Variants in OR51B5 observed in about 807,000 individuals in gnomAD.
OR51B5 encodes olfactory receptor 51B5.
For missense variants in OR51B5, 456 were observed against 374.6 expected (o/e 1.22, Z -1.79); for synonymous variants, 186 against 144.8 (o/e 1.28, Z -2.04).
At chr11:5,410,495 C>T (rs931016053) in intron 1 of OR51B5, among the ~76,000 whole-genome samples, 3 of 152,008 alleles carry the variant, frequency 2.0e-5, no homozygotes, top group Admixed American at 6.6e-5. Flanking sequence ...CAATCAACAA[C>T]GGACTGCATA....
chr11:5,491,995 C>A (rs1188893143), intron 1 of OR51B5, among the ~76,000 whole-genome samples: 1 of 152,158 alleles, frequency 6.6e-6, no homozygotes, highest in Admixed American at 6.5e-5. Context: ...AGTGCAACTG[C>A]CAAATTGCAA....
At chr11:5,434,844 T>G (rs1227710892) in intron 1 of OR51B5, among the ~76,000 whole-genome samples, 1 of 152,170 alleles carries the variant, frequency 6.6e-6, no homozygotes, top group Non-Finnish European at 1.5e-5. Flanking sequence ...AATCTAGTTC[T>G]TCCAATTATA....
intron 1 of OR51B5, chr11:5,430,817 T>C: frequency 2.2e-6 from 1 of 457,370 alleles, no homozygotes; most frequent in Non-Finnish European, 4.4e-6. Context: ...GCACGATGCA[T>C]CACAGACACC....
At chr11:5,489,165 C>A (rs1851539749) in intron 1 of OR51B5, 4 of 1,613,774 alleles carry the variant, frequency 2.5e-6, no homozygotes, top group Non-Finnish European at 2.5e-6. Context: ...TTGGGCTATT[C>A]CGTAGTGTGG....
intron 1 of OR51B5, among the ~76,000 whole-genome samples, chr11:5,479,183 C>T (rs1851368702): frequency 6.8e-6 from 1 of 147,492 alleles, no homozygotes; most frequent in African/African-American, 2.5e-5. Flanking sequence ...CCCTACAAGC[C>T]AGAAGAGAGT....
chr11:5,413,315 A>G (rs375647310), intron 1 of OR51B5, among the ~76,000 whole-genome samples: 10,881 of 152,084 alleles, frequency 0.072, 447 homozygotes, highest in African/African-American at 0.1. Flanking sequence ...CCAAAAGTAG[A>G]TAAAACCACA....
chr11:5,359,843 G>A (rs1271063347), intron 1 of OR51B5, among the ~76,000 whole-genome samples: 3 of 151,932 alleles, frequency 2.0e-5, no homozygotes, highest in African/African-American at 4.8e-5. Context: ...AATGCCGCAT[G>A]TCTACAACCA....
At chr11:5,440,838 G>A (rs115685326) in intron 1 of OR51B5, 11 of 1,613,678 alleles carry the variant, frequency 6.8e-6, no homozygotes, top group Middle Eastern at 1.6e-4. Flanking sequence ...GACCAGCATG[G>A]CTCTCAGGAT....
At chr11:5,415,078 T>G (rs575195511) in intron 1 of OR51B5, among the ~76,000 whole-genome samples, 2 of 152,054 alleles carry the variant, frequency 1.3e-5, no homozygotes, top group Non-Finnish European at 2.9e-5. Context: ...AAACTATCTC[T>G]CAGACCACAG....
At chr11:5,488,966 T>G (rs899066478) in intron 1 of OR51B5, 1 of 1,614,072 alleles carries the variant, frequency 6.2e-7, no homozygotes, top group Non-Finnish European at 8.5e-7. Context: ...ATGCTGGCCA[T>G]TTTGTGGCTC....
chr11:5,351,521 A>G lies in OR51B5; in HGVS notation n.85-4611T>C, dbSNP rs4910755. ...GCAAAGCTGGCAATGGGGCTCAATA[A>G]GTCTGCTTCCACCTTCCAGCTTACT... On this transcript the variant is annotated intron_variant and non_coding_transcript_variant, in intron 1 of 4. Coordinates refer to the OR51B5 transcript ENST00000415970. The G allele has an allele frequency of 9.6e-5, 155 of 1,611,214 alleles. No individual in the cohort carries two copies. The Admixed American group carries it at 2.6e-3, about 27-fold the overall frequency.
chr11:5,423,104 C>T (rs1850381948), intron 1 of OR51B5: 1 of 1,608,780 alleles, frequency 6.2e-7, no homozygotes, highest in South Asian at 1.1e-5. Context: ...CAAGCAGATC[C>T]AATGGGGAAT....
At chr11:5,380,678 C>G (rs765055535) in intron 1 of OR51B5, among the ~76,000 whole-genome samples, 2 of 152,088 alleles carry the variant, frequency 1.3e-5, no homozygotes, top group Non-Finnish European at 2.9e-5. Flanking sequence ...TCTGAAAAAG[C>G]TAAGAAAACC....
chr11:5,369,151 T>C (rs1564924415), intron 1 of OR51B5, among the ~76,000 whole-genome samples: 1 of 135,552 alleles, frequency 7.4e-6, no homozygotes, highest in Admixed American at 7.5e-5. Flanking sequence ...AAGGATGAAG[T>C]CTTTAAAAAT....
chr11:5,437,989 A>G (rs1850615944), intron 1 of OR51B5, among the ~76,000 whole-genome samples: 1 of 152,168 alleles, frequency 6.6e-6, no homozygotes, highest in South Asian at 2.1e-4. Flanking sequence ...ACAGAGGAAC[A>G]GTGGCAGAAG....
At chr11:5,459,420 C>T (rs1851013363) in intron 1 of OR51B5, among the ~76,000 whole-genome samples, 1 of 151,054 alleles carries the variant, frequency 6.6e-6, no homozygotes, top group Non-Finnish European at 1.5e-5. Flanking sequence ...CTAGTTTCAT[C>T]AGGAATATAT....
chr11:5,473,386 G>T (rs904172150), intron 1 of OR51B5, among the ~76,000 whole-genome samples: 2 of 152,142 alleles, frequency 1.3e-5, no homozygotes, highest in African/African-American at 4.8e-5. Flanking sequence ...AGAAATGAAG[G>T]CTTTAAGGGG....
intron 1 of OR51B5, among the ~76,000 whole-genome samples, chr11:5,433,312 C>T (rs996472264): frequency 6.6e-6 from 1 of 152,100 alleles, no homozygotes; most frequent in African/African-American, 2.4e-5. Flanking sequence ...TACAATGTAA[C>T]ATAGTTAATG....
chr11:5,422,379 G>A lies in OR51B5; in HGVS notation n.85-75469C>T, dbSNP rs200984341. On this transcript the variant is annotated intron_variant and non_coding_transcript_variant, in intron 1 of 4. Transcript: ENST00000415970. ...CGCACAGAGCCATCTGTCCACCAGC[G>A]CATGTATCTGTTTCTCTCCATGCTG... The A allele has an allele frequency of 4.5e-5, 72 of 1,613,968 alleles. No homozygotes were observed. The highest frequency in any genetic ancestry group is 2.2e-4 in the Admixed American group (13 of 59,998).
Sources: gnomAD v4.1 joint callset for allele counts (sites outside exome capture counted in the v4.1 genomes callset) on GRCh38, gnomAD v4.1.1 for gene constraint, MANE v1.5 for transcripts, NCBI Gene and HGNC (gene_info 2026-07-23, HGNC 2026-07-21) for gene names.